CORIN: variants seen among roughly 807,000 people sequenced by gnomAD.
CORIN encodes atrial natriuretic peptide-converting enzyme.
CORIN carries 117 observed loss-of-function variants against 125.3 expected under a neutral mutation model. The observed-to-expected ratio is 0.93, with a 90% CI of 0.80 to 1.09. CORIN has a LOEUF of 1.09. CORIN is among the 50% of genes least tolerant of loss of function. The pLI is 0.00. For missense variants in CORIN, 1,253 were observed against 1,306.7 expected (o/e 0.96, Z 0.63); for synonymous variants, 450 against 466.4 (o/e 0.96, Z 0.45).
At chr4:47,791,125 A>C (rs568358244) in intron 2 of CORIN, among the ~76,000 whole-genome samples, 2 of 152,120 alleles carry the variant, frequency 1.3e-5, no homozygotes, top group Non-Finnish European at 2.9e-5. Flanking sequence ...ATTGAAGTAA[A>C]AATTTTGAGA....
chr4:47,766,337 G>A (rs1729737752), intron 3 of CORIN, among the ~76,000 whole-genome samples: 1 of 152,132 alleles, frequency 6.6e-6, no homozygotes, highest in Admixed American at 6.5e-5. Flanking sequence ...TAACTTCATG[G>A]CCCAAGATAG....
In CORIN at chr4:47,741,901, A is replaced by C. The variant is rs987811346; in HGVS notation, c.799+2501T>G. 4.6e-5 allele frequency among the ~76,000 whole-genome samples: 7 copies of C among 152,030 alleles called. No individual in the cohort carries two copies. The East Asian group carries it at 1.3e-3, about 29-fold the overall frequency. On this transcript the variant is annotated intron_variant, in intron 5 of 21. Coordinates refer to ENST00000273857, the MANE Select transcript of CORIN (RefSeq NM_006587.4). The stretch of plus-strand genomic sequence containing the variant: ...GTTAATTAGTGTTTACCAGGGGCTG[A>C]GGAGAGGGATAGCAATTTACTGCTA...
chr4:47,650,038 A>G (rs374603378), intron 13 of CORIN, among the ~76,000 whole-genome samples: 1 of 152,206 alleles, frequency 6.6e-6, no homozygotes, highest in African/African-American at 2.4e-5. Flanking sequence ...AAAAGAAAAC[A>G]TGCCTTTTGG....
At chr4:47,613,604 T>C (rs901229046) in intron 19 of CORIN, among the ~76,000 whole-genome samples, 7 of 150,686 alleles carry the variant, frequency 4.6e-5, no homozygotes, top group African/African-American at 1.5e-4. Flanking sequence ...GTGGCACATA[T>C]ACACCATGGA....
At chr4:47,791,026 T>TC (rs1420849959) in intron 2 of CORIN, among the ~76,000 whole-genome samples, 1 of 152,080 alleles carries the variant, frequency 6.6e-6, no homozygotes, top group Non-Finnish European at 1.5e-5. Context: ...AGAATAATGC[T>TC]CCCCCAGAGA....
chr4:47,701,348 A>AT (rs1265880689), intron 5 of CORIN, among the ~76,000 whole-genome samples: 2 of 152,194 alleles, frequency 1.3e-5, no homozygotes, highest in Non-Finnish European at 2.9e-5. Context: ...TCATTGGTTC[A>AT]TTTTTTTCCT....
At chr4:47,757,870 A>ATATTATG (rs201939105) in intron 4 of CORIN, among the ~76,000 whole-genome samples, 1,073 of 98,284 alleles carry the variant, frequency 0.011, 15 homozygotes, top group Middle Eastern at 0.019. Context: ...ATATATACAT[A>ATATTATG]TATATATGTA....
chr4:47,669,741 T>C (rs984719243), intron 10 of CORIN, among the ~76,000 whole-genome samples: 1 of 152,052 alleles, frequency 6.6e-6, no homozygotes, highest in African/African-American at 2.4e-5. Context: ...GCTAATTTTT[T>C]TGTATTTTTA....
intron 4 of CORIN, among the ~76,000 whole-genome samples, chr4:47,758,039 G>A (rs951413504): frequency 2.0e-5 from 3 of 151,408 alleles, no homozygotes; most frequent in African/African-American, 2.4e-5. Flanking sequence ...TCAGCCTCCC[G>A]AGTAGCTGGG....
chr4:47,628,360 T>G (rs114330298), intron 16 of CORIN, among the ~76,000 whole-genome samples: 13 of 152,250 alleles, frequency 8.5e-5, no homozygotes, highest in Non-Finnish European at 1.9e-4. Flanking sequence ...GGGTGTAATG[T>G]AATGTTTGAT....
At chr4:47,756,661 A>G (rs1189790133) in intron 4 of CORIN, among the ~76,000 whole-genome samples, 1 of 152,228 alleles carries the variant, frequency 6.6e-6, no homozygotes, top group Non-Finnish European at 1.5e-5. Flanking sequence ...TTTTTTATAA[A>G]ATTGCTCTAG....
intron 8 of CORIN, among the ~76,000 whole-genome samples, chr4:47,678,695 G>T (rs530664604): frequency 6.6e-6 from 1 of 152,118 alleles, no homozygotes; most frequent in Non-Finnish European, 1.5e-5. Context: ...AATTCCTATC[G>T]GTTCTCTAAA....
chr4:47,810,075 G>A (rs922102928), intron 1 of CORIN, among the ~76,000 whole-genome samples: 1 of 152,206 alleles, frequency 6.6e-6, no homozygotes, highest in African/African-American at 2.4e-5. Flanking sequence ...AGGGAACGAT[G>A]CATCTGATTG....
At chr4:47,791,875 A>C (rs989710598) in intron 2 of CORIN, among the ~76,000 whole-genome samples, 6 of 152,214 alleles carry the variant, frequency 3.9e-5, no homozygotes, top group Non-Finnish European at 7.4e-5. Flanking sequence ...ATTTAGTAAG[A>C]GGTCCTTACT....
intron 7 of CORIN, chr4:47,680,520 T>C: frequency 3.1e-6 from 1 of 322,002 alleles, no homozygotes. Flanking sequence ...GTTCTTATTG[T>C]TGTTGGCTTT....
chr4:47,700,950 T>A (rs1366938618), intron 5 of CORIN, among the ~76,000 whole-genome samples: 1 of 152,218 alleles, frequency 6.6e-6, no homozygotes, highest in Non-Finnish European at 1.5e-5. Flanking sequence ...TTTTTTTGTT[T>A]TGTCTTCTTA....
intron 4 of CORIN, among the ~76,000 whole-genome samples, chr4:47,755,177 C>A (rs891006921): frequency 2.6e-5 from 4 of 152,146 alleles, no homozygotes; most frequent in Non-Finnish European, 4.4e-5. Flanking sequence ...CCTGAGACAA[C>A]AATTCTATAT....
chr4:47,822,208 C>T (rs778318384), intron 1 of CORIN, among the ~76,000 whole-genome samples: 3 of 152,160 alleles, frequency 2.0e-5, no homozygotes, highest in Non-Finnish European at 2.9e-5. Context: ...CACATGTTTA[C>T]AGAAGAGTTG....
intron 2 of CORIN, among the ~76,000 whole-genome samples, chr4:47,791,347 A>T (rs1009300556): frequency 5.9e-5 from 9 of 152,206 alleles, no homozygotes; most frequent in Non-Finnish European, 8.8e-5. Context: ...AGATTGTCCC[A>T]TAGAGTCTGC....
Sources: allele counts gnomAD v4.1 joint callset (sites outside exome capture counted in the v4.1 genomes callset), GRCh38; gene constraint gnomAD v4.1.1; transcripts MANE v1.5; gene names NCBI Gene and HGNC (gene_info 2026-07-23, HGNC 2026-07-21).